Variants in CREB5 observed in about 807,000 individuals in gnomAD.
CREB5 encodes cAMP responsive element binding protein 5.
CREB5 carries 19 observed loss-of-function variants against 57.1 expected under a neutral mutation model. That is an observed-to-expected ratio of 0.33 (90% CI 0.23 to 0.49). CREB5 has a LOEUF of 0.49. CREB5 is among the 20% of genes least tolerant of loss of function. CREB5 has a pLI of 0.99. For missense variants in CREB5, 579 were observed against 671.6 expected (o/e 0.86, Z 1.52); for synonymous variants, 238 against 238.3 (o/e 1.00, Z 0.01).
chr7:28,617,288 C>T (rs555462753), intron 5 of CREB5, among the ~76,000 whole-genome samples: 9 of 152,184 alleles, frequency 5.9e-5, no homozygotes, highest in Non-Finnish European at 1.2e-4. Context: ...TCTGTGATCC[C>T]TCCTTCTCAA....
intron 1 of CREB5, among the ~76,000 whole-genome samples, chr7:28,347,952 G>A (rs909142903): frequency 6.6e-6 from 1 of 152,262 alleles, no homozygotes; most frequent in East Asian, 1.9e-4. Flanking sequence ...GGATTGTTGT[G>A]TTCCAAACAA....
chr7:28,500,650 A>G (rs1243064259), intron 3 of CREB5, among the ~76,000 whole-genome samples: 1 of 152,182 alleles, frequency 6.6e-6, no homozygotes. Context: ...TCAAGAGGCT[A>G]ATCATGATCA....
intron 9 of CREB5, among the ~76,000 whole-genome samples, chr7:28,815,766 C>T (rs1234157832): frequency 7.2e-5 from 11 of 152,170 alleles, no homozygotes; most frequent in African/African-American, 2.4e-4. Context: ...AATTCAACCT[C>T]TCCAAGATGG....
intron 1 of CREB5, among the ~76,000 whole-genome samples, chr7:28,393,917 A>G (rs1434407814): frequency 1.3e-5 from 2 of 151,994 alleles, no homozygotes; most frequent in Non-Finnish European, 2.9e-5. Flanking sequence ...TCTACCAAAA[A>G]TACTAAAATT....
At chr7:28,552,196 C>T (rs1341154057) in intron 4 of CREB5, among the ~76,000 whole-genome samples, 1 of 152,120 alleles carries the variant, frequency 6.6e-6, no homozygotes, top group African/African-American at 2.4e-5. Context: ...TGCCACCATG[C>T]CCAGCTAATT....
At chr7:28,388,057 G>C (rs916127643) in intron 1 of CREB5, among the ~76,000 whole-genome samples, 1 of 152,104 alleles carries the variant, frequency 6.6e-6, no homozygotes, top group African/African-American at 2.4e-5. Flanking sequence ...TTCCTATTCA[G>C]CTGTATCTGG....
intron 1 of CREB5, among the ~76,000 whole-genome samples, chr7:28,364,149 T>C (rs956409529): frequency 1.3e-5 from 2 of 152,200 alleles, no homozygotes; most frequent in Non-Finnish European, 2.9e-5. Flanking sequence ...TATCTCACAA[T>C]GAATTTATGT....
intron 5 of CREB5, among the ~76,000 whole-genome samples, chr7:28,701,968 A>G (rs1398408882): frequency 6.6e-6 from 1 of 152,252 alleles, no homozygotes; most frequent in Admixed American, 6.5e-5. Context: ...TTTGCTGTAG[A>G]CAGTCATTCT....
chr7:28,560,999 CGTGTGCGTGTGTGT>C (rs1795237272), intron 4 of CREB5, among the ~76,000 whole-genome samples: 4 of 34,164 alleles, frequency 1.2e-4, no homozygotes, highest in Admixed American at 2.9e-4. Flanking sequence ...TGTGTGCCTG[CGTGTGCGTGTGTGT>C]GTGCGTGTGT....
intron 4 of CREB5, among the ~76,000 whole-genome samples, chr7:28,546,604 A>T (rs1794434290): frequency 6.6e-6 from 1 of 152,228 alleles, no homozygotes. Flanking sequence ...TATGAGAGGG[A>T]TGTGCATAGA....
chr7:28,531,585 T>C (rs1036780633), intron 4 of CREB5, among the ~76,000 whole-genome samples: 4 of 152,200 alleles, frequency 2.6e-5, no homozygotes, highest in African/African-American at 4.8e-5. Flanking sequence ...GGTCACATTC[T>C]GAGGTCCTGG....
intron 7 of CREB5, among the ~76,000 whole-genome samples, chr7:28,747,725 G>T (rs924323847): frequency 1.3e-5 from 2 of 152,192 alleles, no homozygotes; most frequent in African/African-American, 4.8e-5. Flanking sequence ...CTGACACAGT[G>T]CCTGTCCTGT....
At chr7:28,486,670 T>TATA (rs1791559846) in intron 1 of CREB5, among the ~76,000 whole-genome samples, 1 of 89,116 alleles carries the variant, frequency 1.1e-5, no homozygotes, top group Non-Finnish European at 2.3e-5. Flanking sequence ...TCCTATGATT[T>TATA]TATATATATA....
intron 3 of CREB5, among the ~76,000 whole-genome samples, chr7:28,499,381 G>A (rs1344330456): frequency 6.6e-6 from 1 of 152,094 alleles, no homozygotes; most frequent in African/African-American, 2.4e-5. Context: ...AGCCCTCCAA[G>A]GTAGGGCTGT....
intron 5 of CREB5, among the ~76,000 whole-genome samples, chr7:28,572,143 T>C (rs1383466621): frequency 1.3e-5 from 2 of 152,198 alleles, no homozygotes; most frequent in Non-Finnish European, 2.9e-5. Flanking sequence ...TTACCAGGAA[T>C]GGCTGTGATA....
At chr7:28,498,690 C>A (rs1277528644) in intron 3 of CREB5, among the ~76,000 whole-genome samples, 1 of 152,140 alleles carries the variant, frequency 6.6e-6, no homozygotes, top group Admixed American at 6.5e-5. Context: ...AGACAGTAAA[C>A]ATAGACCCCT....
chr7:28,743,555 G>A (rs183813883), intron 7 of CREB5, among the ~76,000 whole-genome samples: 161 of 152,172 alleles, frequency 1.1e-3, no homozygotes, highest in African/African-American at 3.5e-3. Flanking sequence ...GAAAGAAAAC[G>A]AAAAGCTTAG....
chr7:28,360,350 A>G (rs1583397222), intron 1 of CREB5, among the ~76,000 whole-genome samples: 1 of 152,254 alleles, frequency 6.6e-6, no homozygotes, highest in Non-Finnish European at 1.5e-5. Context: ...AGATTAAAAA[A>G]TAGGGTATCT....
At chr7:28,301,067 T>A (rs1309984828) in intron 1 of CREB5, among the ~76,000 whole-genome samples, 1 of 151,886 alleles carries the variant, frequency 6.6e-6, no homozygotes, top group East Asian at 1.9e-4. Context: ...TACATTTTGA[T>A]CTTTTTAAAG....
Sources: allele counts gnomAD v4.1 joint callset (sites outside exome capture counted in the v4.1 genomes callset), GRCh38; gene constraint gnomAD v4.1.1; transcripts MANE v1.5; gene names NCBI Gene and HGNC (gene_info 2026-07-23, HGNC 2026-07-21).